The following KIRREL3 variants were observed in gnomAD, a reference collection of about 807,000 sequenced individuals.
KIRREL3 encodes kirre like nephrin family adhesion molecule 3, also known as kin of IRRE-like protein 3.
In KIRREL3, 36 loss-of-function variants were observed where a neutral mutation model predicts 89.7. That is an observed-to-expected ratio of 0.40 (90% CI 0.31 to 0.53). The LOEUF is 0.53. Ranked by LOEUF, KIRREL3 falls within the 20% of genes least tolerant of loss-of-function variation. The pLI is 0.49. For synonymous variants in KIRREL3, 445 were observed against 441.4 expected, an observed-to-expected ratio of 1.01 and a Z score of -0.10; for missense variants, 864 against 1,056.6, an observed-to-expected ratio of 0.82 and a Z score of 2.53.
rs1263070279 is a variant in KIRREL3, at chr11:126,931,199, CTGTTTCTTGGACACTGT to C, written c.55+69239_55+69255del. ...CCAGTAAGCTCTTTGAGGGAAAGTC[CTGTTTCTTGGACACTGT>C]TGTTTCTTGGACACTGTTGTTATCT... is the stretch of plus-strand genomic sequence containing the variant. On this transcript the variant is annotated intron_variant, in intron 1 of 16. Coordinates refer to ENST00000525144, the MANE Select transcript of KIRREL3 (RefSeq NM_032531.4). This position sits in a 1 kb window ranked among gnomAD's most constrained non-coding sequence, Gnocchi z 5.1. 6.6e-6 allele frequency among the ~76,000 whole-genome samples: 1 copy of C among 152,060 alleles called. No homozygotes were observed. The highest frequency in any genetic ancestry group is 1.5e-5 in the Non-Finnish European group (1 of 68,024).
rs112366921 is a variant in KIRREL3 at position 126,855,738 on chromosome 11, T to C, written c.55+144717A>G. ...GCTTATCCTCCTTTGCTTCCCTGGC[T>C]GTGAGTTTGGGTGAGGTCTAATGCC... On this transcript the variant is annotated intron_variant, in intron 1 of 16. Coordinates refer to ENST00000525144, the MANE Select transcript of KIRREL3 (RefSeq NM_032531.4). Among the ~76,000 whole-genome samples the C allele has an allele frequency of 1.3e-3, 195 of 152,346 alleles. 3 individuals are homozygous for C. In the South Asian group the frequency reaches 0.036, roughly 28 times the overall value.
At chr11:126,629,574 C>A (rs1002282963) in intron 1 of KIRREL3, among the ~76,000 whole-genome samples, 2 of 152,208 alleles carry the variant, frequency 1.3e-5, no homozygotes, top group African/African-American at 4.8e-5. Context: ...CCTCCAGATC[C>A]ATGTCCACCC....
In KIRREL3 at chr11:126,436,893, C is replaced by T. The variant is rs191792529; in HGVS notation, c.1470G>A (p.Arg490=). ...AGTTGTAGATGGTCTGGAAGTCGGCCCGCACGATGTTGCTGATGGTCAGGG... is the reference window on the plus strand; with the variant it reads ...AGTTGTAGATGGTCTGGAAGTCGGCTCGCACGATGTTGCTGATGGTCAGGG... The part of the protein sequence containing the change: ...ISTLTISNIV[R]ADFQTIYNCT... Residue 490 remains arginine, a synonymous_variant, in exon 12 of 17, where the codon CGG becomes CGA. Transcript: ENST00000525144. The T allele has an allele frequency of 1.3e-4, 210 of 1,613,600 alleles. 2 individuals are homozygous for T. The East Asian group carries it at 3.2e-3, about 24-fold the overall frequency.
intron 1 of KIRREL3, among the ~76,000 whole-genome samples, chr11:126,921,174 C>T (rs1947259260): frequency 6.6e-6 from 1 of 152,190 alleles, no homozygotes; most frequent in African/African-American, 2.4e-5. Context: ...GGTTCTCCAA[C>T]CTATAGACTC....
In KIRREL3 at chr11:126,811,546, C is replaced by G. The variant is rs1951388776; in HGVS notation, c.55+188909G>C. On this transcript the variant is annotated intron_variant, in intron 1 of 16. Coordinates refer to ENST00000525144, the MANE Select transcript of KIRREL3 (RefSeq NM_032531.4). The surrounding 1 kb of genome is among the most constrained non-coding windows in gnomAD (Gnocchi z 4.3). ...GGGGACGGTGCCAGCTACAGCTGAC[C>G]CTTCCCTCACAGCATGCAACGTTAG... is the stretch of plus-strand genomic sequence containing the variant. Among the ~76,000 whole-genome samples, 1 of 152,162 alleles carries G rather than the reference C, an allele frequency of 6.6e-6. No homozygotes were observed. Among genetic ancestry groups the G allele is most frequent in the Admixed American group, 6.5e-5 (1 of 15,278 alleles).
rs557357345 is a variant in KIRREL3 at position 126,903,246 on chromosome 11, T to C, written c.55+97209A>G. On this transcript the variant is annotated intron_variant, in intron 1 of 16. Transcript: ENST00000525144. The surrounding 1 kb of genome is among the most constrained non-coding windows in gnomAD (Gnocchi z 4.5). Reference sequence around the variant, plus strand: ...AAATAACGTCCCTCTGCAATTACCATTTGGTATGAAGTTTAGGCACTCACA... The same window carrying C: ...AAATAACGTCCCTCTGCAATTACCACTTGGTATGAAGTTTAGGCACTCACA... Among the ~76,000 whole-genome samples the C allele has an allele frequency of 4.6e-5, 7 of 152,306 alleles. No individual in the cohort carries two copies. In the East Asian group the frequency reaches 1.3e-3, roughly 29 times the overall value.
At chr11:126,929,258 G>A (rs1472838068) in intron 1 of KIRREL3, among the ~76,000 whole-genome samples, 1 of 152,190 alleles carries the variant, frequency 6.6e-6, no homozygotes, top group Non-Finnish European at 1.5e-5. Flanking sequence ...TGTGGTCATA[G>A]TGTAGGGATG....
intron 11 of KIRREL3, among the ~76,000 whole-genome samples, chr11:126,439,134 C>T (rs1955466514): frequency 6.6e-6 from 1 of 152,128 alleles, no homozygotes; most frequent in Admixed American, 6.5e-5. Context: ...AGTTTGAGAC[C>T]AGCTTGGCCA....
rs1939610082 is a variant in KIRREL3, at chr11:126,555,192, A to C, written c.133+7643T>G. On this transcript the variant is annotated intron_variant, in intron 2 of 16. Transcript: ENST00000525144. This position sits in a 1 kb window ranked among gnomAD's most constrained non-coding sequence, Gnocchi z 4.2. ...AGCCTGCTTCTGCCAGAGATGAGTG[A>C]CTGGCCGGTTCCAGCGTTCATTCCC... is the stretch of plus-strand genomic sequence containing the variant. Among the ~76,000 whole-genome samples the C allele has an allele frequency of 6.6e-6, 1 of 152,116 alleles. No individual in the cohort carries two copies. Among genetic ancestry groups the C allele is most frequent in the Admixed American group, 6.5e-5 (1 of 15,280 alleles).
At chr11:126,582,477 G>T (rs1036910428) in intron 1 of KIRREL3, among the ~76,000 whole-genome samples, 5 of 152,320 alleles carry the variant, frequency 3.3e-5, no homozygotes, top group South Asian at 4.1e-4. Flanking sequence ...CTCTGCTATA[G>T]CGGAAGAAAA....
Position 126,565,519 on chromosome 11 carries a change from C to T in KIRREL3, c.56-2607G>A, listed in dbSNP as rs555353026. 7.2e-5 allele frequency among the ~76,000 whole-genome samples: 11 copies of T among 152,220 alleles called. No individual in the cohort carries two copies. The highest frequency in any genetic ancestry group is 4.2e-4 in the South Asian group (2 of 4,812). ...TTATTTAGGCGGCTACGTTACAAGGCGCTAATAAGCACACTGCAGAAATTT... is the reference window on the plus strand; with the variant it reads ...TTATTTAGGCGGCTACGTTACAAGGTGCTAATAAGCACACTGCAGAAATTT... On this transcript the variant is annotated intron_variant, in intron 1 of 16. Transcript: ENST00000525144. This position sits in a 1 kb window ranked among gnomAD's most constrained non-coding sequence, Gnocchi z 5.4.
At chr11:126,591,391 T>C (rs1664324666) in intron 1 of KIRREL3, among the ~76,000 whole-genome samples, 1 of 152,178 alleles carries the variant, frequency 6.6e-6, no homozygotes, top group African/African-American at 2.4e-5. Context: ...TGAAATCCTG[T>C]GTGTTCTGGT....
At chr11:126,749,041 G>A (rs980390795) in intron 1 of KIRREL3, among the ~76,000 whole-genome samples, 2 of 152,108 alleles carry the variant, frequency 1.3e-5, no homozygotes, top group African/African-American at 4.8e-5. Flanking sequence ...CAGGTGGCAG[G>A]GGGTTGCGAC....
chr11:126,585,110 G>A (rs1251082229), intron 1 of KIRREL3, among the ~76,000 whole-genome samples: 6 of 151,466 alleles, frequency 4.0e-5, no homozygotes, highest in Non-Finnish European at 7.4e-5. Flanking sequence ...TAGTAGGGAC[G>A]GGGTTTCATC....
At chr11:126,922,121 G>GCCTGTCTA (rs138488126) in intron 1 of KIRREL3, among the ~76,000 whole-genome samples, 2 of 139,964 alleles carry the variant, frequency 1.4e-5, no homozygotes, top group Non-Finnish European at 3.1e-5. Context: ...CTATCTGTCT[G>GCCTGTCTA]TCTATCTATC....
At chr11:126,793,329 T>A (rs1950705343) in intron 1 of KIRREL3, among the ~76,000 whole-genome samples, 1 of 152,232 alleles carries the variant, frequency 6.6e-6, no homozygotes, top group Non-Finnish European at 1.5e-5. Flanking sequence ...GTTGTAGTGC[T>A]GAACAGTGCA....
intron 1 of KIRREL3, among the ~76,000 whole-genome samples, chr11:126,865,801 T>C (rs1000457645): frequency 2.6e-4 from 39 of 151,906 alleles, no homozygotes; most frequent in Admixed American, 2.6e-3. Context: ...TTCAGCAGAA[T>C]TTTTTTTTAA....
intron 1 of KIRREL3, among the ~76,000 whole-genome samples, chr11:126,957,383 G>C (rs938451495): frequency 6.6e-6 from 1 of 152,200 alleles, no homozygotes; most frequent in Non-Finnish European, 1.5e-5. Context: ...GAAATGTCCA[G>C]GGGTTACACA....
chr11:126,994,408 G>A lies in KIRREL3; in HGVS notation c.55+6047C>T, dbSNP rs911554502. ...ACACAGAGCAGATTCACCTATGCTGGCCATTATTTCCATGGCTTTAACTTG... is the reference window on the plus strand; with the variant it reads ...ACACAGAGCAGATTCACCTATGCTGACCATTATTTCCATGGCTTTAACTTG... On this transcript the variant is annotated intron_variant, in intron 1 of 16. Transcript: ENST00000525144. This position sits in a 1 kb window ranked among gnomAD's most constrained non-coding sequence, Gnocchi z 5.2. Among the ~76,000 whole-genome samples the A allele has an allele frequency of 1.3e-5, 2 of 152,170 alleles. No homozygotes were observed. Among genetic ancestry groups the A allele is most frequent in the Non-Finnish European group, 2.9e-5 (2 of 68,034 alleles).
Sources: gnomAD v4.1 joint callset for allele counts (sites outside exome capture counted in the v4.1 genomes callset) on GRCh38, gnomAD v4.1.1 for gene constraint, Gnocchi (gnomAD v3.1) non-coding constraint, MANE v1.5 for transcripts, NCBI Gene and HGNC (gene_info 2026-07-23, HGNC 2026-07-21) for gene names.